The following DYNLRB1 variants were observed in gnomAD, a reference collection of about 807,000 sequenced individuals.
The protein encoded by DYNLRB1 is dynein light chain roadblock-type 1, also known as ROBL/LC7-like 1.
A neutral mutation model predicts 13.5 loss-of-function variants in DYNLRB1; 6 were observed. The ratio of observed to expected loss-of-function variants is 0.44; its 90% CI spans 0.24 to 0.88. The LOEUF (loss-of-function observed/expected upper bound fraction) is 0.88. DYNLRB1 is among the 40% of genes least tolerant of loss of function. DYNLRB1 has a pLI of 0.21. For synonymous variants in DYNLRB1, 43 were observed against 45.0 expected, an observed-to-expected ratio of 0.96 and a Z score of 0.18; for missense variants, 93 against 127.2, an observed-to-expected ratio of 0.73 and a Z score of 1.29.
chr20:34,534,558 TA>T (rs1980970969), intron 2 of DYNLRB1, 69 bp from the exon 3 acceptor site: 2 of 1,500,850 alleles, frequency 1.3e-6, no homozygotes, highest in Non-Finnish European at 1.8e-6. Flanking sequence ...TCTCCCCAAT[TA>T]GGGGTGTGGG....
intron 1 of DYNLRB1, chr20:34,516,907 T>C (rs1218978711): frequency 3.5e-6 from 5 of 1,430,238 alleles, no homozygotes; most frequent in Admixed American, 4.9e-5. Flanking sequence ...CATTTTGTTA[T>C]ACATATCTGT....
intron 3 of DYNLRB1, among the ~76,000 whole-genome samples, chr20:34,536,852 G>A (rs1490503421): frequency 2.6e-5 from 4 of 152,236 alleles, no homozygotes; most frequent in Middle Eastern, 3.4e-3. Context: ...AGGGTATGGG[G>A]GAAGGGAGCA....
intron 2 of DYNLRB1, among the ~76,000 whole-genome samples, chr20:34,532,636 G>GT (rs1336927081): frequency 2.0e-5 from 3 of 152,192 alleles, no homozygotes; most frequent in Non-Finnish European, 4.4e-5. Flanking sequence ...GTAGAGCAAG[G>GT]CTTTGCGGGG....
At chr20:34,518,703 G>A (rs1000977246) in intron 1 of DYNLRB1, among the ~76,000 whole-genome samples, 1 of 150,484 alleles carries the variant, frequency 6.6e-6, no homozygotes, top group Admixed American at 6.6e-5. Flanking sequence ...ATTCACCCAC[G>A]TTGGCCTCCC....
chr20:34,540,667 C>T lies in DYNLRB1; in HGVS notation c.*43C>T, dbSNP rs1242491027. The T allele has an allele frequency of 4.4e-6, 7 of 1,593,338 alleles. No homozygotes were observed. The African/African-American group carries it at 9.4e-5, about 21-fold the overall frequency. On this transcript the variant is annotated 3_prime_UTR_variant, in exon 4 of 4. Coordinates refer to ENST00000357156, the MANE Select transcript of DYNLRB1 (RefSeq NM_014183.4). ...CTGTGTCATTCCTTAATTTAATGCC[C>T]CCCAAGAATGTTAATGTCAATCATG...
At chr20:34,518,846 G>A (rs371249138) in intron 1 of DYNLRB1, among the ~76,000 whole-genome samples, 10 of 151,674 alleles carry the variant, frequency 6.6e-5, no homozygotes, top group African/African-American at 2.4e-4. Flanking sequence ...ATGCTACTCC[G>A]TGGTTATACT....
chr20:34,520,106 G>T (rs552014735), intron 1 of DYNLRB1, among the ~76,000 whole-genome samples: 27 of 152,264 alleles, frequency 1.8e-4, no homozygotes, highest in African/African-American at 6.3e-4. Flanking sequence ...TCCAGCCTGG[G>T]CAACAGAGCA....
intron 3 of DYNLRB1, 164 bp downstream of exon 3, chr20:34,534,959 T>C: frequency 1.3e-6 from 2 of 1,488,392 alleles, no homozygotes; most frequent in South Asian, 2.7e-5. Context: ...CTCCAGCTGG[T>C]GTCCCATAGC....
At chr20:34,529,784 A>G in intron 2 of DYNLRB1, 1 of 1,309,550 alleles carries the variant, frequency 7.6e-7, no homozygotes, top group South Asian at 2.0e-5. Context: ...GCAAGCACAG[A>G]GCTAGACAGA....
chr20:34,520,136 A>G (rs1352539980), intron 1 of DYNLRB1, among the ~76,000 whole-genome samples: 1 of 152,220 alleles, frequency 6.6e-6, no homozygotes, highest in African/African-American at 2.4e-5. Context: ...CTCAAAATAA[A>G]TAAATAAAAT....
At chr20:34,533,652 CT>C in intron 2 of DYNLRB1, 1 of 304,698 alleles carries the variant, frequency 3.3e-6, no homozygotes, top group South Asian at 1.3e-4. Context: ...AACCCCGTCT[CT>C]TCTAAAAATA....
chr20:34,534,616 C>G lies in DYNLRB1; in HGVS notation c.80-12C>G. The stretch of plus-strand genomic sequence containing the variant: ...TCCACATCCTCTCAGTCTCCGTCTG[C>G]TCTCCCCTCAGGCATTCCCATCAAG... On this transcript the variant is annotated splice_polypyrimidine_tract_variant and intron_variant, in intron 2 of 3. Coordinates refer to ENST00000357156, the MANE Select transcript of DYNLRB1 (RefSeq NM_014183.4). 1 of 1,547,966 alleles carries G rather than the reference C, an allele frequency of 6.5e-7. No individual in the cohort carries two copies. The highest frequency in any genetic ancestry group is 8.7e-7 in the Non-Finnish European group (1 of 1,146,920).
chr20:34,518,385 G>GT (rs1210548883), intron 1 of DYNLRB1, among the ~76,000 whole-genome samples: 2 of 152,112 alleles, frequency 1.3e-5, no homozygotes, highest in East Asian at 3.9e-4. Flanking sequence ...TTGTTTACAG[G>GT]TAATACTTGC....
chr20:34,535,316 G>T (rs980622294), intron 3 of DYNLRB1: 1 of 985,338 alleles, frequency 1.0e-6, no homozygotes, highest in Admixed American at 6.1e-5. Flanking sequence ...TAAAGGCCAG[G>T]CCTGTCTTTA....
intron 1 of DYNLRB1, among the ~76,000 whole-genome samples, chr20:34,521,027 T>C (rs533123841): frequency 6.7e-6 from 1 of 149,264 alleles, no homozygotes; most frequent in African/African-American, 2.5e-5. Flanking sequence ...CATTTCTGTC[T>C]TTTTTTTTTG....
At position 34,534,800 on chromosome 20, in the gene DYNLRB1, G is replaced by A. The variant is rs558658094; in HGVS notation, c.247+5G>A. 4.0e-5 allele frequency: 65 copies of A among 1,613,992 alleles called. 1 individual carries two copies. The South Asian group carries it at 6.7e-4, about 17-fold the overall frequency. The stretch of plus-strand genomic sequence containing the variant: ...ATGAAATTATGGTTGCACCAGGTAA[G>A]GGGTCTTCTACCTCCCCATGTAGGA... On this transcript the variant is annotated splice_donor_5th_base_variant and intron_variant, in intron 3 of 3. Coordinates refer to ENST00000357156, the MANE Select transcript of DYNLRB1 (RefSeq NM_014183.4).
chr20:34,525,005 A>T (rs1038410852), intron 1 of DYNLRB1, among the ~76,000 whole-genome samples: 2 of 152,192 alleles, frequency 1.3e-5, no homozygotes, highest in African/African-American at 4.8e-5. Context: ...GATTACAGGC[A>T]TGAGCCGCCG....
chr20:34,534,725 C>T lies in DYNLRB1; in HGVS notation c.177C>T (p.Asp59=). The T allele has an allele frequency of 1.2e-6, 2 of 1,613,780 alleles. No individual in the cohort carries two copies. Among genetic ancestry groups the T allele is most frequent in the Non-Finnish European group, 1.7e-6 (2 of 1,179,758 alleles). The change falls in exon 3 of 4, where the codon GAC becomes GAT. Residue 59 remains aspartate, a synonymous_variant. Coordinates refer to ENST00000357156, the MANE Select transcript of DYNLRB1 (RefSeq NM_014183.4). ...FILKARSTVR[D]IDPQNDLTFL... is the part of the protein sequence containing the mutation. ...TGAAGGCACGGAGCACCGTGCGTGA[C>T]ATCGACCCCCAGAACGATCTCACCT... is the stretch of plus-strand genomic sequence containing the variant.
chr20:34,540,616 A>G lies in DYNLRB1; in HGVS notation c.283A>G (p.Thr95Ala), dbSNP rs915362133. ...DYFLIVIQNP[T>A]E ...TTTCCTGATTGTGATTCAGAATCCAACCGAATAAGCCACTCTCTTGGCTCC... is the reference window on the plus strand; with the variant it reads ...TTTCCTGATTGTGATTCAGAATCCAGCCGAATAAGCCACTCTCTTGGCTCC... Residue 95 changes from threonine to alanine, a missense_variant, in exon 4 of 4, where the codon ACC becomes GCC. By Grantham distance (58) the Thr-to-Ala change is moderately conservative. Coordinates refer to ENST00000357156, the MANE Select transcript of DYNLRB1 (RefSeq NM_014183.4). 1.2e-6 allele frequency: 2 copies of G among 1,613,788 alleles called. No homozygotes were observed. Among genetic ancestry groups the G allele is most frequent in the African/African-American group, 2.7e-5 (2 of 74,858 alleles).
Sources: allele counts gnomAD v4.1 joint callset (sites outside exome capture counted in the v4.1 genomes callset), GRCh38; gene constraint gnomAD v4.1.1; transcripts MANE v1.5; gene names NCBI Gene and HGNC (gene_info 2026-07-23, HGNC 2026-07-21).